The following RBM19 variants were observed in gnomAD, a reference collection of about 807,000 sequenced individuals.
The protein encoded by RBM19 is probable RNA-binding protein 19.
RBM19 carries 94 observed loss-of-function variants against 116.8 expected under a neutral mutation model. The observed-to-expected ratio is 0.80, with a 90% CI of 0.68 to 0.95. The LOEUF (loss-of-function observed/expected upper bound fraction) is 0.95. RBM19 is among the 40% of genes least tolerant of loss of function. The pLI is 0.00. For synonymous variants in RBM19, 475 were observed against 494.1 expected (o/e 0.96, Z 0.51); for missense variants, 1,161 against 1,220.7 (o/e 0.95, Z 0.73).
At chr12:113,921,888 G>A (rs568791416) in intron 18 of RBM19, among the ~76,000 whole-genome samples, 1 of 152,146 alleles carries the variant, frequency 6.6e-6, no homozygotes, top group Non-Finnish European at 1.5e-5. Flanking sequence ...ATCCTCTATG[G>A]GAAACTGACC....
chr12:113,899,840 G>A (rs16943356), intron 21 of RBM19, among the ~76,000 whole-genome samples: 11,171 of 152,126 alleles, frequency 0.073, 683 homozygotes, highest in East Asian at 0.33. Flanking sequence ...GACATGGCGC[G>A]CAATTATCAG....
At chr12:113,887,651 A>AG (rs1880634793) in intron 21 of RBM19, among the ~76,000 whole-genome samples, 1 of 148,378 alleles carries the variant, frequency 6.7e-6, no homozygotes, top group Admixed American at 6.7e-5. Context: ...AAAAAAAAAA[A>AG]GAAAAAAGAA....
At chr12:113,907,650 GA>G (rs1359752637) in intron 21 of RBM19, among the ~76,000 whole-genome samples, 1 of 152,014 alleles carries the variant, frequency 6.6e-6, no homozygotes, top group East Asian at 1.9e-4. Flanking sequence ...ATAAGGGGAG[GA>G]AAAAAATACC....
chr12:113,941,525 AG>A (rs766033115), intron 14 of RBM19, among the ~76,000 whole-genome samples: 26 of 119,118 alleles, frequency 2.2e-4, no homozygotes, highest in Non-Finnish European at 3.7e-4. Flanking sequence ...GTTAGCTATT[AG>A]TATATTTATT....
intron 13 of RBM19, among the ~76,000 whole-genome samples, chr12:113,943,279 G>C (rs971710741): frequency 6.6e-6 from 1 of 152,096 alleles, no homozygotes; most frequent in Non-Finnish European, 1.5e-5. Flanking sequence ...CCTGTTTTGG[G>C]GGTTGCTGCA....
chr12:113,828,301 T>G (rs1177366366), intron 23 of RBM19, among the ~76,000 whole-genome samples: 1 of 152,106 alleles, frequency 6.6e-6, no homozygotes, highest in African/African-American at 2.4e-5. Flanking sequence ...CCTGTGAGTG[T>G]GGCAGACCTG....
Position 113,823,223 on chromosome 12 carries a change from C to T in RBM19, c.*1G>A, listed in dbSNP as rs1379996991. ...GAGCCACACACCCTCTCGGTGCCAG[C>T]TCACAGCTGAAGGGTCTGCTCCTCG... is the stretch of plus-strand genomic sequence containing the variant. On this transcript the variant is annotated 3_prime_UTR_variant, in exon 24 of 24. Coordinates refer to ENST00000261741, the MANE Select transcript of RBM19 (RefSeq NM_016196.4). 9.9e-6 allele frequency: 16 copies of T among 1,609,436 alleles called. No homozygotes were observed. The highest frequency in any genetic ancestry group is 1.4e-5 in the Non-Finnish European group (16 of 1,179,884).
chr12:113,845,471 A>G (rs975110918), intron 22 of RBM19, among the ~76,000 whole-genome samples: 1 of 152,264 alleles, frequency 6.6e-6, no homozygotes, highest in African/African-American at 2.4e-5. Flanking sequence ...GACAGAATTC[A>G]CATACTATAT....
intron 23 of RBM19, among the ~76,000 whole-genome samples, 187 bp downstream of exon 23, chr12:113,844,481 A>AGG (rs1398483938): frequency 6.6e-6 from 1 of 152,160 alleles, no homozygotes; most frequent in Non-Finnish European, 1.5e-5. Context: ...GCCTCCCGGC[A>AGG]GGGAGTGCCC....
intron 21 of RBM19, among the ~76,000 whole-genome samples, chr12:113,901,036 T>G (rs1191296781): frequency 6.6e-6 from 1 of 152,192 alleles, no homozygotes; most frequent in East Asian, 1.9e-4. Flanking sequence ...CCGCACTGGT[T>G]TCTTTGCTTT....
intron 16 of RBM19, among the ~76,000 whole-genome samples, chr12:113,930,236 C>T (rs1305735291): frequency 6.6e-6 from 1 of 152,246 alleles, no homozygotes; most frequent in Non-Finnish European, 1.5e-5. Context: ...GTCTCAAGGT[C>T]CCAGAACCCA....
chr12:113,952,731 C>T, intron 7 of RBM19, 141 bp from the exon 8 acceptor site: 1 of 609,684 alleles, frequency 1.6e-6, no homozygotes, highest in Non-Finnish European at 2.8e-6. Flanking sequence ...ATACGTATCG[C>T]TTCTCCAATT....
chr12:113,849,470 C>T (rs193238631), intron 22 of RBM19, among the ~76,000 whole-genome samples: 3 of 152,346 alleles, frequency 2.0e-5, no homozygotes, highest in Admixed American at 6.5e-5. Context: ...AGACTACAAA[C>T]GCAACGGGGA....
chr12:113,946,423 T>A lies in RBM19; in HGVS notation c.1460A>T (p.Asp487Val). The A allele has an allele frequency of 6.2e-7, 1 of 1,614,118 alleles. No individual in the cohort carries two copies. The change falls in exon 12 of 24, where the codon GAT becomes GTT. Residue 487 changes from aspartate (D) to valine (V), a missense_variant. Physicochemically the swap from Asp to Val is radical, Grantham distance 152. Transcript: ENST00000261741. ...GGACGACGATCCCAGGGCACTGGCATCCTCGCTGGCTTCCTTCTTGATGGT... is the reference window on the plus strand; with the variant it reads ...GGACGACGATCCCAGGGCACTGGCAACCTCGCTGGCTTCCTTCTTGATGGT... Reference protein sequence around the residue: ...PSTIKKEASEDASALGSSSYK... With the variant: ...PSTIKKEASEVASALGSSSYK...
chr12:113,861,096 A>G (rs989294482), intron 21 of RBM19, among the ~76,000 whole-genome samples: 2 of 152,236 alleles, frequency 1.3e-5, no homozygotes, highest in African/African-American at 4.8e-5. Context: ...CTCACAGGCA[A>G]CAGGGTTAGA....
chr12:113,861,169 C>A (rs1161261850), intron 21 of RBM19, among the ~76,000 whole-genome samples: 1 of 152,216 alleles, frequency 6.6e-6, no homozygotes, highest in African/African-American at 2.4e-5. Context: ...AATGACTCAA[C>A]CCGCTTGCAT....
At chr12:113,820,520 C>T (rs750849152), downstream of RBM19, among the ~76,000 whole-genome samples, 1 of 152,032 alleles carries the variant, frequency 6.6e-6, no homozygotes, top group African/African-American at 2.4e-5. Context: ...CAGCGGGACT[C>T]GACTTTCCAT....
At chr12:113,872,157 G>C (rs1306090404) in intron 21 of RBM19, among the ~76,000 whole-genome samples, 3 of 148,300 alleles carry the variant, frequency 2.0e-5, no homozygotes, top group African/African-American at 7.4e-5. Context: ...CTGAGATGTG[G>C]GGAGCGCCTC....
chr12:113,865,503 T>C (rs1001157697), intron 21 of RBM19, among the ~76,000 whole-genome samples: 3 of 152,222 alleles, frequency 2.0e-5, no homozygotes, highest in Non-Finnish European at 4.4e-5. Flanking sequence ...TCTTATACTC[T>C]GTTGTGTCTA....
Sources: gnomAD v4.1 joint callset for allele counts (sites outside exome capture counted in the v4.1 genomes callset) on GRCh38, gnomAD v4.1.1 for gene constraint, MANE v1.5 for transcripts, NCBI Gene and HGNC (gene_info 2026-07-23, HGNC 2026-07-21) for gene names.